The following TMEM163 variants were observed in gnomAD, a reference collection of about 807,000 sequenced individuals.
TMEM163 encodes the protein transmembrane protein 163.
A neutral mutation model predicts 29.3 loss-of-function variants in TMEM163; 17 were observed. The observed-to-expected ratio is 0.58, with a 90% CI of 0.40 to 0.87. The LOEUF (loss-of-function observed/expected upper bound fraction) is 0.87. Among genes scored for constraint, TMEM163 ranks in the 40% least tolerant of loss-of-function variants. The pLI is 0.00. For missense variants in TMEM163, 303 were observed against 381.5 expected, an observed-to-expected ratio of 0.79 and a Z score of 1.71; for synonymous variants, 157 against 160.6, an observed-to-expected ratio of 0.98 and a Z score of 0.17.
intron 2 of TMEM163, among the ~76,000 whole-genome samples, chr2:134,687,288 A>G (rs569582413): frequency 6.6e-6 from 1 of 152,238 alleles, no homozygotes; most frequent in African/African-American, 2.4e-5. Flanking sequence ...GCACAGATAA[A>G]ATGTTGGGAA....
At chr2:134,638,779 G>A (rs565784006) in intron 2 of TMEM163, among the ~76,000 whole-genome samples, 1 of 152,308 alleles carries the variant, frequency 6.6e-6, no homozygotes, top group Admixed American at 6.5e-5. Context: ...ATGTCAGGAG[G>A]ACACGGGTGC....
chr2:134,461,820 G>A (rs880109), intron 6 of TMEM163, among the ~76,000 whole-genome samples: 25,080 of 152,176 alleles, frequency 0.16, 4,205 homozygotes, highest in African/African-American at 0.42. Flanking sequence ...AGGGGAAGCC[G>A]GCCCTCTCCC....
chr2:134,695,150 C>T (rs1487319857), intron 2 of TMEM163, among the ~76,000 whole-genome samples: 2 of 152,174 alleles, frequency 1.3e-5, no homozygotes, highest in African/African-American at 4.8e-5. Context: ...AATCTCGGCT[C>T]ACTGCAACCT....
chr2:134,539,911 G>C (rs1212757756), intron 4 of TMEM163, among the ~76,000 whole-genome samples: 4 of 152,208 alleles, frequency 2.6e-5, no homozygotes, highest in Admixed American at 6.5e-5. Context: ...AAGGGAGAAG[G>C]CTCTCACCCT....
intron 5 of TMEM163, among the ~76,000 whole-genome samples, chr2:134,482,361 C>T (rs1223012073): frequency 6.6e-6 from 1 of 152,142 alleles, no homozygotes; most frequent in African/African-American, 2.4e-5. Context: ...TGAGCAGAGA[C>T]CATGTCTGAA....
intron 2 of TMEM163, among the ~76,000 whole-genome samples, chr2:134,612,503 G>A (rs988626966): frequency 8.0e-5 from 12 of 149,638 alleles, no homozygotes; most frequent in African/African-American, 3.0e-4. Context: ...AGGCTAGGCA[G>A]GTTTGTAAAA....
intron 4 of TMEM163, among the ~76,000 whole-genome samples, chr2:134,519,216 A>T (rs923747978): frequency 1.2e-4 from 19 of 152,302 alleles, no homozygotes; most frequent in African/African-American, 4.1e-4. Context: ...CAGATTAGAG[A>T]GCCCCAAAAA....
At chr2:134,498,634 C>T (rs895084152) in intron 5 of TMEM163, among the ~76,000 whole-genome samples, 11 of 152,174 alleles carry the variant, frequency 7.2e-5, no homozygotes, top group Non-Finnish European at 2.9e-5. Context: ...GCCCAGCCAG[C>T]ATGTGGGCTT....
At chr2:134,525,686 G>C (rs900118419) in intron 4 of TMEM163, among the ~76,000 whole-genome samples, 1 of 152,142 alleles carries the variant, frequency 6.6e-6, no homozygotes, top group African/African-American at 2.4e-5. Flanking sequence ...TGTGTTTAGG[G>C]AAGAACCCAC....
At chr2:134,561,107 C>T (rs1309362274) in intron 2 of TMEM163, among the ~76,000 whole-genome samples, 2 of 152,268 alleles carry the variant, frequency 1.3e-5, no homozygotes, top group African/African-American at 2.4e-5. Flanking sequence ...TCTCCGCCGT[C>T]TCCGATGGCG....
At chr2:134,614,664 G>C (rs1682569608) in intron 2 of TMEM163, among the ~76,000 whole-genome samples, 1 of 152,118 alleles carries the variant, frequency 6.6e-6, no homozygotes. Context: ...GACCAGCCTG[G>C]CCAACATGGT....
At chr2:134,489,386 C>T (rs1165496329) in intron 5 of TMEM163, among the ~76,000 whole-genome samples, 1 of 151,792 alleles carries the variant, frequency 6.6e-6, no homozygotes, top group African/African-American at 2.4e-5. Context: ...AAGACCATCC[C>T]GGCCAACAGG....
intron 2 of TMEM163, among the ~76,000 whole-genome samples, chr2:134,564,050 C>T (rs369722996): frequency 1.2e-4 from 18 of 152,150 alleles, no homozygotes; most frequent in East Asian, 5.8e-4. Flanking sequence ...GACTCCACTG[C>T]GGCAGCAGTG....
At chr2:134,568,600 GAAAGAAAGAAGGAAAAGAAAGAAA>G (rs1681351287) in intron 2 of TMEM163, among the ~76,000 whole-genome samples, 1 of 123,162 alleles carries the variant, frequency 8.1e-6, no homozygotes, top group Non-Finnish European at 1.8e-5. Flanking sequence ...AAAGAAAAAG[GAAAGAAAGAAGGAAAAGAAAGAAA>G]AAAGAAAGAA....
chr2:134,480,944 C>T (rs1031789529), intron 5 of TMEM163, among the ~76,000 whole-genome samples: 1 of 152,162 alleles, frequency 6.6e-6, no homozygotes, highest in Non-Finnish European at 1.5e-5. Context: ...TAACCATCTG[C>T]AAAACAAAAC....
intron 5 of TMEM163, among the ~76,000 whole-genome samples, chr2:134,484,197 A>G (rs1679264306): frequency 6.6e-6 from 1 of 152,190 alleles, no homozygotes; most frequent in East Asian, 1.9e-4. Context: ...GGTTCCAGTC[A>G]GGGTCTGAGT....
chr2:134,570,661 T>C (rs948263151), intron 2 of TMEM163, among the ~76,000 whole-genome samples: 5 of 152,148 alleles, frequency 3.3e-5, no homozygotes, highest in Admixed American at 2.6e-4. Flanking sequence ...GGAAAGCAAG[T>C]GACCAAACTG....
At chr2:134,486,809 C>CA (rs1001990173) in intron 5 of TMEM163, among the ~76,000 whole-genome samples, 20 of 152,096 alleles carry the variant, frequency 1.3e-4, no homozygotes, top group African/African-American at 4.8e-4. Context: ...AAACTCCAAA[C>CA]AAAATAGTAG....
intron 5 of TMEM163, among the ~76,000 whole-genome samples, chr2:134,479,821 C>G (rs1167722893): frequency 6.6e-6 from 1 of 152,218 alleles, no homozygotes; most frequent in Admixed American, 6.5e-5. Flanking sequence ...AGGCCTGATG[C>G]TACCCACCCT....
Sources: allele counts gnomAD v4.1 joint callset (sites outside exome capture counted in the v4.1 genomes callset), GRCh38; gene constraint gnomAD v4.1.1; transcripts MANE v1.5; gene names NCBI Gene and HGNC (gene_info 2026-07-23, HGNC 2026-07-21).